KIF18A: variants seen among roughly 807,000 people sequenced by gnomAD.
KIF18A encodes kinesin family member 18A.
KIF18A carries 67 observed loss-of-function variants against 103.3 expected under a neutral mutation model. The ratio of observed to expected loss-of-function variants is 0.65; its 90% CI spans 0.53 to 0.79. KIF18A has a LOEUF of 0.79. Among genes scored for constraint, KIF18A ranks in the 30% least tolerant of loss-of-function variants. The pLI, the probability that KIF18A is intolerant of heterozygous loss-of-function variation, is 0.00. For missense variants in KIF18A, 1,032 were observed against 1,062.5 expected (o/e 0.97, Z 0.40); for synonymous variants, 367 against 355.5 (o/e 1.03, Z -0.36).
intron 9 of KIF18A, among the ~76,000 whole-genome samples, 153 bp downstream of exon 9, chr11:28,082,703 T>C (rs900353813): frequency 1.3e-5 from 2 of 152,020 alleles, no homozygotes; most frequent in South Asian, 2.1e-4. Context: ...AAGCCTGTTA[T>C]GTATGTATGT....
At chr11:28,050,717 T>C (rs1361475279) in intron 13 of KIF18A, among the ~76,000 whole-genome samples, 1 of 151,782 alleles carries the variant, frequency 6.6e-6, no homozygotes, top group Admixed American at 6.6e-5. Flanking sequence ...ATTTTATCAG[T>C]TCCATAAATA....
chr11:28,090,859 A>G (rs1036349063), intron 4 of KIF18A, 132 bp from the exon 5 acceptor site: 2 of 603,846 alleles, frequency 3.3e-6, no homozygotes, highest in African/African-American at 3.7e-5. Flanking sequence ...CCTATTAAAT[A>G]CTAACTTTGT....
At chr11:28,081,300 T>C in intron 9 of KIF18A, among the ~76,000 whole-genome samples, 1 of 152,200 alleles carries the variant, frequency 6.6e-6, no homozygotes, top group East Asian at 1.9e-4. Flanking sequence ...ATATGCCATC[T>C]AGGACCTTCA....
At chr11:28,100,782 AG>A (rs898044931) in intron 1 of KIF18A, among the ~76,000 whole-genome samples, 1 of 152,086 alleles carries the variant, frequency 6.6e-6, no homozygotes, top group Admixed American at 6.5e-5. Flanking sequence ...CTGAAAAGGA[AG>A]GGATGGTCAT....
chr11:28,027,972 A>G (rs1310788073), intron 15 of KIF18A, among the ~76,000 whole-genome samples: 1 of 151,974 alleles, frequency 6.6e-6, no homozygotes, highest in East Asian at 1.9e-4. Context: ...ACTGAATCCA[A>G]TAACAAACCT....
At chr11:28,100,194 GT>G (rs1168354870) in intron 1 of KIF18A, among the ~76,000 whole-genome samples, 2 of 152,074 alleles carry the variant, frequency 1.3e-5, no homozygotes, top group Non-Finnish European at 2.9e-5. Context: ...GGGAGGCAGG[GT>G]CAGATCAGTT....
At chr11:28,091,145 A>ATACATACATACATAC (rs1565089741) in intron 4 of KIF18A, among the ~76,000 whole-genome samples, 9 of 101,348 alleles carry the variant, frequency 8.9e-5, no homozygotes, top group East Asian at 7.6e-4. Flanking sequence ...TAAATAAATA[A>ATACATACATACATAC]ATAAATACAT....
chr11:28,037,380 C>T (rs1156668191), intron 13 of KIF18A, among the ~76,000 whole-genome samples: 1 of 151,386 alleles, frequency 6.6e-6, no homozygotes, highest in South Asian at 2.1e-4. Flanking sequence ...AACAAATAAA[C>T]CAAAACAATT....
At chr11:28,026,415 A>G (rs1441049925) in intron 15 of KIF18A, among the ~76,000 whole-genome samples, 1 of 151,828 alleles carries the variant, frequency 6.6e-6, no homozygotes, top group Non-Finnish European at 1.5e-5. Context: ...GGGAAAAAGA[A>G]GATTAAAAAA....
At chr11:28,094,525 A>G (rs1018543369) in intron 3 of KIF18A, 118 bp downstream of exon 3, 3 of 823,532 alleles carry the variant, frequency 3.6e-6, no homozygotes, top group Non-Finnish European at 5.6e-6. Flanking sequence ...AATATTCAAG[A>G]CAAGGAATTT....
chr11:28,072,104 G>A (rs534693771), intron 10 of KIF18A, among the ~76,000 whole-genome samples: 2 of 152,124 alleles, frequency 1.3e-5, no homozygotes, highest in Non-Finnish European at 2.9e-5. Flanking sequence ...GTAAGTGTTT[G>A]GGAATACATT....
intron 15 of KIF18A, among the ~76,000 whole-genome samples, chr11:28,026,981 A>G (rs1850330041): frequency 6.6e-6 from 1 of 151,824 alleles, no homozygotes; most frequent in African/African-American, 2.4e-5. Flanking sequence ...GGAAAAATCC[A>G]TAAATTTTAA....
intron 5 of KIF18A, among the ~76,000 whole-genome samples, chr11:28,090,265 G>A (rs974568540): frequency 6.6e-6 from 1 of 152,152 alleles, no homozygotes; most frequent in Non-Finnish European, 1.5e-5. Flanking sequence ...AGATGAATCA[G>A]TATGTTCCCA....
intron 1 of KIF18A, among the ~76,000 whole-genome samples, chr11:28,104,971 T>C (rs1851487078): frequency 6.6e-6 from 1 of 152,098 alleles, no homozygotes; most frequent in Non-Finnish European, 1.5e-5. Flanking sequence ...CATTTCATAT[T>C]CTTTTGTAAT....
At chr11:28,099,119 A>G (rs745746103) in intron 1 of KIF18A, among the ~76,000 whole-genome samples, 1 of 152,208 alleles carries the variant, frequency 6.6e-6, no homozygotes, top group African/African-American at 2.4e-5. Context: ...GATCGAAAAA[A>G]TGTGGTATAT....
chr11:28,091,547 T>TAA (rs751823709), intron 3 of KIF18A, 34 bp from the exon 4 acceptor site: 186 of 920,764 alleles, frequency 2.0e-4, no homozygotes, highest in South Asian at 1.0e-3. Context: ...AGCATTGATG[T>TAA]AAAAAAAAAA....
rs576297956 is a variant in KIF18A at position 28,052,389 on chromosome 11, T to C, written c.1948+6537A>G. 3.2e-4 allele frequency among the ~76,000 whole-genome samples: 49 copies of C among 152,264 alleles called. No individual in the cohort carries two copies. The South Asian group carries it at 0.01, about 32-fold the overall frequency. On this transcript the variant is annotated intron_variant, in intron 13 of 16. Coordinates refer to ENST00000263181, the MANE Select transcript of KIF18A (RefSeq NM_031217.4). ...CCCTTTATCTCTCTGATCTCCTCAC[T>C]ACTTTCATTCTCTTTTTCTTTGTAC... is the stretch of plus-strand genomic sequence containing the variant.
At chr11:28,053,026 T>G (rs1850730724) in intron 13 of KIF18A, among the ~76,000 whole-genome samples, 1 of 152,166 alleles carries the variant, frequency 6.6e-6, no homozygotes, top group South Asian at 2.1e-4. Context: ...TGCCATTACT[T>G]TCAATGATGA....
At position 28,059,179 on chromosome 11, in the gene KIF18A, GAAGA is replaced by G. The variant is rs1197122924; in HGVS notation, c.1713-22_1713-19del. On this transcript the variant is annotated intron_variant, in intron 12 of 16. Coordinates refer to ENST00000263181, the MANE Select transcript of KIF18A (RefSeq NM_031217.4). ...TCAATACTCTATATACAGAAGATGA[GAAGA>G]AAGGAGAGATAAATATGACATTTTA... The G allele has an allele frequency of 6.6e-6, 10 of 1,513,676 alleles. No homozygotes were observed. Among genetic ancestry groups the G allele is most frequent in the Non-Finnish European group, 9.1e-6 (10 of 1,093,200 alleles). The allele number at this position is 1,513,676 out of a possible 1,614,324, so 93.8% of individuals were successfully genotyped here.
Sources: gnomAD v4.1 joint callset for allele counts (sites outside exome capture counted in the v4.1 genomes callset) on GRCh38, gnomAD v4.1.1 for gene constraint, MANE v1.5 for transcripts, NCBI Gene and HGNC (gene_info 2026-07-23, HGNC 2026-07-21) for gene names.